IL12RB1: variants seen among roughly 807,000 people sequenced by gnomAD.
IL12RB1 encodes interleukin 12 receptor subunit beta 1, also known as interleukin-12 receptor subunit beta-1.
IL12RB1 carries 64 observed loss-of-function variants against 94.4 expected under a neutral mutation model. The ratio of observed to expected loss-of-function variants is 0.68; its 90% CI spans 0.55 to 0.83. The LOEUF is 0.83. Ranked by LOEUF, IL12RB1 falls within the 40% of genes least tolerant of loss-of-function variation. The probability of loss-of-function intolerance (pLI) is 0.00; values close to 1 mark genes in which losing one functional copy is unlikely to be tolerated. For missense variants in IL12RB1, 814 were observed against 855.6 expected, an observed-to-expected ratio of 0.95 and a Z score of 0.61; for synonymous variants, 362 against 355.5, an observed-to-expected ratio of 1.02 and a Z score of -0.21.
chr19:18,069,464 C>A lies in IL12RB1; in HGVS notation c.1189+82G>T, dbSNP rs2034846569. 3.0e-6 allele frequency: 4 copies of A among 1,324,902 alleles called. No individual in the cohort carries two copies. The South Asian group carries it at 5.6e-5, about 18-fold the overall frequency. 82.1% of individuals were successfully genotyped at this position (1,324,902 alleles called of 1,614,324 possible). The stretch of plus-strand genomic sequence containing the variant: ...TGGGCCTTAGACACCCGCTGTGTGC[C>A]TTCCCTGCAGGTTTGAACCCACCAG... On this transcript the variant is annotated intron_variant, in intron 10 of 16. Coordinates refer to ENST00000593993, the MANE Select transcript of IL12RB1 (RefSeq NM_005535.3).
At chr19:18,076,360 C>T (rs774108307) in intron 5 of IL12RB1, 33 bp from the exon 6 acceptor site, 1 of 1,147,678 alleles carries the variant, frequency 8.7e-7, no homozygotes, top group South Asian at 1.2e-5. Context: ...TATTGTTTTG[C>T]ATTTTGGTGC....
intron 3 of IL12RB1, among the ~76,000 whole-genome samples, chr19:18,081,639 G>A (rs2035906413): frequency 6.6e-6 from 1 of 151,726 alleles, no homozygotes; most frequent in South Asian, 2.1e-4. Context: ...TGGCCAACAT[G>A]GTGAGACTCT....
chr19:18,080,053 T>C (rs1222545777), intron 4 of IL12RB1, among the ~76,000 whole-genome samples: 2 of 151,990 alleles, frequency 1.3e-5, no homozygotes, highest in Non-Finnish European at 2.9e-5. Context: ...CTTTTCTTTT[T>C]TCTTTTTTTT....
At chr19:18,083,743 CCCATCCATCCATCCAT>C (rs146292111) in intron 1 of IL12RB1, among the ~76,000 whole-genome samples, 1 of 148,098 alleles carries the variant, frequency 6.8e-6, no homozygotes, top group African/African-American at 2.5e-5. Flanking sequence ...CATCCATTCA[CCCATCCATCCATCCAT>C]CCATCCATCC....
intron 2 of IL12RB1, 114 bp downstream of exon 2, chr19:18,083,318 C>G (rs2036043471): frequency 9.9e-7 from 1 of 1,011,196 alleles, no homozygotes; most frequent in African/African-American, 1.6e-5. Flanking sequence ...CCCAAGACCA[C>G]AGGCAGGGCT....
chr19:18,059,339 C>T lies in IL12RB1; in HGVS notation c.*269G>A. ...AGGGATCCATCTGAGCCCCCCTTGC[C>T]CCCATTCCCAGTCCATTCTACGCCA... On this transcript the variant is annotated 3_prime_UTR_variant, in exon 17 of 17. Transcript: ENST00000593993. The T allele has an allele frequency of 1.8e-6, 1 of 571,176 alleles. No homozygotes were observed. Among genetic ancestry groups the T allele is most frequent in the Non-Finnish European group, 3.1e-6 (1 of 317,518 alleles). 35.4% of individuals were successfully genotyped at this position (571,176 alleles called of 1,614,324 possible).
At chr19:18,065,328 G>A (rs17884931) in intron 12 of IL12RB1, among the ~76,000 whole-genome samples, 14 of 152,224 alleles carry the variant, frequency 9.2e-5, no homozygotes, top group Non-Finnish European at 1.8e-4. Context: ...TGAGAGTTCA[G>A]CTGCTGCTAC....
At chr19:18,069,020 G>C (rs1014487160) in intron 10 of IL12RB1, among the ~76,000 whole-genome samples, 1 of 147,462 alleles carries the variant, frequency 6.8e-6, no homozygotes, top group Non-Finnish European at 1.5e-5. Context: ...AAAGTGCTGG[G>C]ATTACAGGTG....
chr19:18,090,284 G>A (rs114832087), upstream of IL12RB1, among the ~76,000 whole-genome samples: 3,229 of 152,068 alleles, frequency 0.021, 120 homozygotes, highest in African/African-American at 0.074. Flanking sequence ...GGTCGAGACT[G>A]CAGTGAGCTC....
intron 1 of IL12RB1, among the ~76,000 whole-genome samples, chr19:18,094,905 G>A (rs954898952): frequency 2.6e-5 from 4 of 152,110 alleles, no homozygotes; most frequent in Non-Finnish European, 4.4e-5. Context: ...GGCAGGGGGC[G>A]GTAGCTCACA....
At chr19:18,077,729 T>C in intron 4 of IL12RB1, 74 bp from the exon 5 acceptor site, 1 of 914,808 alleles carries the variant, frequency 1.1e-6, no homozygotes, top group East Asian at 2.4e-5. Context: ...AAATCCACCC[T>C]GTCCAGGGTA....
chr19:18,070,032 C>T (rs2034909831), intron 9 of IL12RB1, among the ~76,000 whole-genome samples: 1 of 152,142 alleles, frequency 6.6e-6, no homozygotes, highest in South Asian at 2.1e-4. Context: ...TCTCCTGCCT[C>T]AGCCTCCTGA....
At chr19:18,097,791 C>G (rs977276065) in intron 1 of IL12RB1, 4 of 1,220,706 alleles carry the variant, frequency 3.3e-6, no homozygotes, top group Non-Finnish European at 3.1e-6. Context: ...GACTCCCGGG[C>G]CATGGACGAG....
In IL12RB1 at chr19:18,062,241, G is replaced by C; in HGVS notation, c.1655C>G (p.Ser552Cys). 1 of 1,613,222 alleles carries C rather than the reference G, an allele frequency of 6.2e-7. No homozygotes were observed. The highest frequency in any genetic ancestry group is 8.5e-7 in the Non-Finnish European group (1 of 1,179,522). ...QVSDWLIFFA[S>C]LGSFLSILLV... ...AAGGATGCTCAGGAAGCTCCCCAGGGAGGCGAAGAAGATGAGCCAATCAGA... is the reference window on the plus strand; with the variant it reads ...AAGGATGCTCAGGAAGCTCCCCAGGCAGGCGAAGAAGATGAGCCAATCAGA... Residue 552 changes from serine (S) to cysteine (C), a missense_variant, in exon 14 of 17, where the codon TCC (serine) becomes TGC (cysteine). By Grantham distance (112) the Ser-to-Cys change is moderately radical. Coordinates refer to ENST00000593993, the MANE Select transcript of IL12RB1 (RefSeq NM_005535.3).
intron 13 of IL12RB1, 33 bp from the exon 14 acceptor site, chr19:18,062,310 T>C (rs1304635696): frequency 3.0e-6 from 4 of 1,342,844 alleles, no homozygotes; most frequent in South Asian, 1.2e-5. Context: ...GGCAGAGGGC[T>C]ACCTCCTGCC....
chr19:18,080,387 C>G (rs568078457), intron 4 of IL12RB1, among the ~76,000 whole-genome samples: 1 of 152,056 alleles, frequency 6.6e-6, no homozygotes, highest in Non-Finnish European at 1.5e-5. Context: ...TACAGGCGCG[C>G]GTGGCCACTC....
chr19:18,075,268 T>TC (rs1555784049), intron 7 of IL12RB1, among the ~76,000 whole-genome samples: 1 of 145,198 alleles, frequency 6.9e-6, no homozygotes, highest in Non-Finnish European at 1.5e-5. Context: ...TTTTTTTTTT[T>TC]ACTTTTTTTT....
At chr19:18,065,037 T>A (rs1455282576) in intron 12 of IL12RB1, among the ~76,000 whole-genome samples, 1 of 152,144 alleles carries the variant, frequency 6.6e-6, no homozygotes, top group Non-Finnish European at 1.5e-5. Context: ...GCCCCTTCAT[T>A]TGCATATAAT....
chr19:18,091,326 G>A (rs1339053127), upstream of IL12RB1: 2 of 152,300 alleles, frequency 1.3e-5, no homozygotes, highest in Non-Finnish European at 2.9e-5. Flanking sequence ...TCTGAGATAA[G>A]TTCCCAGGGC....
Sources: allele counts gnomAD v4.1 joint callset (sites outside exome capture counted in the v4.1 genomes callset), GRCh38; gene constraint gnomAD v4.1.1; transcripts MANE v1.5; gene names NCBI Gene and HGNC (gene_info 2026-07-23, HGNC 2026-07-21).